AMY2B: variants seen among roughly 807,000 people sequenced by gnomAD.
AMY2B encodes amylase alpha 2B.
Under a neutral mutation model 59.3 loss-of-function variants are expected in AMY2B, and 63 were observed. That is an observed-to-expected ratio of 1.06 (90% CI 0.87 to 1.31). The LOEUF (loss-of-function observed/expected upper bound fraction) is 1.31, where lower values mean the gene tolerates loss of function less well. AMY2B is among the 50% of genes most tolerant of loss of function. AMY2B has a pLI of 0.00. For synonymous variants in AMY2B, 180 were observed against 198.1 expected (o/e 0.91, Z 0.77); for missense variants, 635 against 626.7 (o/e 1.01, Z -0.14).
chr1:103,578,613 G>T, intron 9 of AMY2B, among the ~76,000 whole-genome samples: 1 of 152,078 alleles, frequency 6.6e-6, no homozygotes, highest in African/African-American at 2.4e-5. Context: ...CATAAATCTA[G>T]TTGATCTCTT....
At chr1:103,569,584 A>G, upstream of AMY2B, 1 of 379,820 alleles carries the variant, frequency 2.6e-6, no homozygotes, top group Non-Finnish European at 5.4e-6. Context: ...CTGGTGATTG[A>G]CAATGGCTCC....
At chr1:103,557,860 A>G (rs1187821001) in intron 1 of AMY2B, among the ~76,000 whole-genome samples, 1 of 152,174 alleles carries the variant, frequency 6.6e-6, no homozygotes, top group Non-Finnish European at 1.5e-5. Context: ...TAAGTCATAA[A>G]AACATGCATA....
Position 103,575,535 on chromosome 1 carries a change from G to T in AMY2B, c.1096G>T (p.Gly366Ter). 1 of 1,613,538 alleles carries T rather than the reference G, an allele frequency of 6.2e-7. No individual in the cohort carries two copies. Among genetic ancestry groups the T allele is most frequent in the Non-Finnish European group, 8.5e-7 (1 of 1,179,728 alleles). Reference sequence around the variant, plus strand: ...CCGTTGGCCAAGACAGTTTCAAAATGGAAACGTAAGTTTTGAAATTGTTCA... The same window carrying T: ...CCGTTGGCCAAGACAGTTTCAAAATTGAAACGTAAGTTTTGAAATTGTTCA... ...SYRWPRQFQN[G>*]NDVNDWVGPP... Residue 366 changes from glycine (G) to a stop codon, truncating the protein, a stop_gained, in exon 7 of 10, where the codon GGA becomes TGA. Transcript: ENST00000684275. LOFTEE classifies it high-confidence loss of function.
At chr1:103,561,782 G>A (rs1159724673) in intron 1 of AMY2B, 1 of 152,054 alleles carries the variant, frequency 6.6e-6, no homozygotes, top group African/African-American at 2.4e-5. Flanking sequence ...AAGAAGAGGT[G>A]GCAGGGCAGC....
Position 103,579,519 on chromosome 1 carries a change from T to C in AMY2B, c.*19T>C, listed in dbSNP as rs1471994120. On this transcript the variant is annotated 3_prime_UTR_variant, in exon 10 of 10. Coordinates refer to ENST00000684275, the MANE Select transcript of AMY2B (RefSeq NM_001387437.1). ...ATTATAAAATTTAAAATTAAATGCA[T>C]ATCCTCAAAACAATAGCCAAGTGTG... 1 of 1,607,032 alleles carries C rather than the reference T, an allele frequency of 6.2e-7. No individual in the cohort carries two copies. Among genetic ancestry groups the C allele is most frequent in the South Asian group, 1.1e-5 (1 of 89,768 alleles).
At chr1:103,564,032 G>A (rs1487939643) in intron 1 of AMY2B, among the ~76,000 whole-genome samples, 1 of 152,130 alleles carries the variant, frequency 6.6e-6, no homozygotes, top group Non-Finnish European at 1.5e-5. Flanking sequence ...GACAGTATGA[G>A]TTGATAGGAT....
At position 103,575,475 on chromosome 1, in the gene AMY2B, C is replaced by A. The variant is rs768148171; in HGVS notation, c.1036C>A (p.His346Asn). ...YKMAVGFMLAHPYGFTRVMSS... is the reference protein window; with the variant it reads ...YKMAVGFMLANPYGFTRVMSS... ...AATGGCAGTTGGATTTATGCTTGCT[C>A]ATCCTTATGGTTTTACACGAGTAAT... Residue 346 changes from histidine (H) to asparagine (N), a missense_variant, in exon 7 of 10, where the codon CAT (histidine) becomes AAT (asparagine). By Grantham distance (68) the His-to-Asn change is moderately conservative. Transcript: ENST00000684275. The A allele has an allele frequency of 6.2e-7, 1 of 1,613,700 alleles. No homozygotes were observed. The highest frequency in any genetic ancestry group is 8.5e-7 in the Non-Finnish European group (1 of 1,179,748).
chr1:103,570,444 C>T (rs1570644144), upstream of AMY2B: 4 of 816,004 alleles, frequency 4.9e-6, no homozygotes, highest in African/African-American at 5.1e-5. Context: ...CAACACGGTG[C>T]TATCTGGTGG....
chr1:103,557,307 TATATA>T (rs1651588325), intron 1 of AMY2B, among the ~76,000 whole-genome samples: 1 of 152,074 alleles, frequency 6.6e-6, no homozygotes, highest in African/African-American at 2.4e-5. Context: ...CTGTGACTAA[TATATA>T]AAGACTTGAG....
chr1:103,571,250 T>C (rs1350550855), upstream of AMY2B: 2 of 723,138 alleles, frequency 2.8e-6, no homozygotes, highest in Admixed American at 4.4e-5. Context: ...TTTTAATTTA[T>C]GTAAAGTTTT....
intron 1 of AMY2B, among the ~76,000 whole-genome samples, chr1:103,555,988 A>G (rs1259618798): frequency 6.6e-6 from 1 of 152,180 alleles, no homozygotes; most frequent in Admixed American, 6.5e-5. Flanking sequence ...CTCATTAGTA[A>G]CGGTAGGATG....
intron 9 of AMY2B, among the ~76,000 whole-genome samples, chr1:103,578,361 C>T (rs368455884): frequency 6.6e-6 from 1 of 152,086 alleles, no homozygotes; most frequent in Non-Finnish European, 1.5e-5. Flanking sequence ...TAATATGTAT[C>T]TTGTGGTTAA....
In AMY2B at chr1:103,573,081, G is replaced by A. The variant is rs528267080; in HGVS notation, c.334G>A (p.Ala112Thr). 5.9e-5 allele frequency: 95 copies of A among 1,613,668 alleles called. No individual in the cohort carries two copies. In the East Asian group the frequency reaches 1.8e-3, roughly 31 times the overall value. Residue 112 changes from alanine (A) to threonine (T), a missense_variant, in exon 3 of 10, where the codon GCT becomes ACT. Coordinates refer to ENST00000684275, the MANE Select transcript of AMY2B (RefSeq NM_001387437.1). ...TTTCTAGGTTCGTATTTATGTGGATGCTGTAATTAATCATATGTCTGGTAA... is the reference window on the plus strand; with the variant it reads ...TTTCTAGGTTCGTATTTATGTGGATACTGTAATTAATCATATGTCTGGTAA... ...NNVGVRIYVD[A>T]VINHMSGNAV...
upstream of AMY2B, among the ~76,000 whole-genome samples, chr1:103,567,467 C>T (rs767048766): frequency 5.3e-5 from 8 of 152,072 alleles, no homozygotes; most frequent in Admixed American, 2.0e-4. Context: ...TCCCCAAATA[C>T]CTATATCTTT....
In AMY2B at chr1:103,574,082, G is replaced by T. The variant is rs1055336157; in HGVS notation, c.744+144G>T. 8 of 1,507,236 alleles carry T rather than the reference G, an allele frequency of 5.3e-6. No individual in the cohort carries two copies. In the East Asian group the frequency reaches 1.7e-4, roughly 32 times the overall value. 93.4% of individuals were successfully genotyped at this position (1,507,236 alleles called of 1,614,324 possible). ...TTCTTTAACCTCCTCTTCACATACAGCATATCTAATTCTTTATCACAAACA... is the reference window on the plus strand; with the variant it reads ...TTCTTTAACCTCCTCTTCACATACATCATATCTAATTCTTTATCACAAACA... On this transcript the variant is annotated intron_variant, in intron 4 of 9. Transcript: ENST00000684275.
chr1:103,560,406 T>A (rs2101061298), intron 1 of AMY2B, among the ~76,000 whole-genome samples: 1 of 152,300 alleles, frequency 6.6e-6, no homozygotes, highest in South Asian at 2.1e-4. Flanking sequence ...CTGTCTTTCC[T>A]TTGGTTAGAA....
In AMY2B at chr1:103,575,530, A is replaced by G; in HGVS notation, c.1091A>G (p.Gln364Arg). The change falls in exon 7 of 10, where the codon CAA (glutamine) becomes CGA (arginine). Residue 364 changes from glutamine (Q) to arginine (R), a missense_variant. Physicochemically the swap from Gln to Arg is conservative, Grantham distance 43. Transcript: ENST00000684275. Reference protein sequence around the residue: ...MSSYRWPRQFQNGNDVNDWVG... With the variant: ...MSSYRWPRQFRNGNDVNDWVG... ...AGCTACCGTTGGCCAAGACAGTTTC[A>G]AAATGGAAACGTAAGTTTTGAAATT... 1 of 1,613,694 alleles carries G rather than the reference A, an allele frequency of 6.2e-7. No individual in the cohort carries two copies. Among genetic ancestry groups the G allele is most frequent in the Non-Finnish European group, 8.5e-7 (1 of 1,179,778 alleles).
At chr1:103,568,990 A>G (rs1230044064), upstream of AMY2B, 1 of 152,134 alleles carries the variant, frequency 6.6e-6, no homozygotes, top group African/African-American at 2.4e-5. Context: ...TGGAAGGGGA[A>G]GCAAACCCAT....
chr1:103,557,136 A>C (rs1158547395), intron 1 of AMY2B, among the ~76,000 whole-genome samples: 2 of 151,246 alleles, frequency 1.3e-5, no homozygotes, highest in Admixed American at 6.6e-5. Context: ...GGAAATCTTA[A>C]AGCGTGCGCG....
Sources: gnomAD v4.1 joint callset for allele counts (sites outside exome capture counted in the v4.1 genomes callset) on GRCh38, gnomAD v4.1.1 for gene constraint, MANE v1.5 for transcripts, NCBI Gene and HGNC (gene_info 2026-07-23, HGNC 2026-07-21) for gene names.